EMG1: variants seen among roughly 807,000 people sequenced by gnomAD.
The protein encoded by EMG1 is ribosomal RNA small subunit methyltransferase NEP1.
EMG1 carries 24 observed loss-of-function variants against 26.9 expected under a neutral mutation model. The observed-to-expected ratio is 0.89, with a 90% CI of 0.65 to 1.26. EMG1 has a LOEUF of 1.26. EMG1 is among the 50% of genes most tolerant of loss of function. The pLI is 0.00. For synonymous variants in EMG1, 140 were observed against 112.6 expected (o/e 1.24, Z -1.54); for missense variants, 299 against 307.6 (o/e 0.97, Z 0.21).
At chr12:6,981,206 G>A (rs1555154024), downstream of EMG1, 1 of 1,577,068 alleles carries the variant, frequency 6.3e-7, no homozygotes, top group Non-Finnish European at 8.6e-7. Flanking sequence ...AGAATGCATG[G>A]TTCAGGATAG....
Position 6,971,069 on chromosome 12 carries a change from G to A in EMG1, c.146G>A (p.Gly49Glu). Residue 49 changes from glycine (G) to glutamate (E), a missense_variant, in exon 1 of 6, where the codon GGG becomes GAG. Gly to Glu is a moderately conservative substitution (Grantham distance 98). Coordinates refer to ENST00000599672, the MANE Select transcript of EMG1 (RefSeq NM_006331.8). ...GGRRLIVVLE[G>E]ASLETVKVGK... ...CGTAGGCTTATTGTGGTGCTGGAAG[G>A]GGCCAGTCTGGAGACAGTCAAGGTA... The A allele has an allele frequency of 6.2e-7, 1 of 1,611,360 alleles. No homozygotes were observed. Among genetic ancestry groups the A allele is most frequent in the African/African-American group, 1.3e-5 (1 of 74,964 alleles).
intron 7 of EMG1, among the ~76,000 whole-genome samples, chr12:6,996,309 A>G (rs150397240): frequency 1.0e-3 from 154 of 152,328 alleles, no homozygotes; most frequent in African/African-American, 3.5e-3. Flanking sequence ...AAATGTCACC[A>G]TAAGTATCAG....
Position 6,978,659 on chromosome 12 carries a change from T to C in EMG1, c.*2850T>C, listed in dbSNP as rs1555153647. 2 of 1,614,186 alleles carry C rather than the reference T, an allele frequency of 1.2e-6. No individual in the cohort carries two copies. Among genetic ancestry groups the C allele is most frequent in the Admixed American group, 1.7e-5 (1 of 60,018 alleles). On this transcript the variant is annotated 3_prime_UTR_variant, in exon 6 of 6. Coordinates refer to ENST00000599672, the MANE Select transcript of EMG1 (RefSeq NM_006331.8). ...AGCACAAACTTGCCCCAGATCAGCA[T>C]GTACATGCAGCGGAACCAGAAGGGG...
downstream of EMG1, chr12:6,980,945 A>G (rs1249798454): frequency 5.5e-6 from 8 of 1,460,604 alleles, no homozygotes; most frequent in Non-Finnish European, 7.4e-6. Context: ...CTTTCAGAAG[A>G]GTCACTTCAG....
chr12:6,974,836 T>C, intron 3 of EMG1, 143 bp downstream of exon 3: 1 of 981,534 alleles, frequency 1.0e-6, no homozygotes, highest in South Asian at 1.5e-5. Context: ...ACTGTTATTA[T>C]TTTTCTATGT....
intron 1 of EMG1, among the ~76,000 whole-genome samples, chr12:6,972,576 AATTAT>A (rs1946345937): frequency 6.6e-6 from 1 of 152,142 alleles, no homozygotes; most frequent in Admixed American, 6.5e-5. Flanking sequence ...TGCAACTTGG[AATTAT>A]TTCTTTTAGC....
At chr12:6,983,086 C>A, downstream of EMG1, 1 of 529,084 alleles carries the variant, frequency 1.9e-6, no homozygotes, top group Non-Finnish European at 3.5e-6. Flanking sequence ...GCTACCACAC[C>A]CAGCTTGTTA....
At chr12:6,994,363 A>G (rs1031058554) in intron 7 of EMG1, among the ~76,000 whole-genome samples, 4 of 151,784 alleles carry the variant, frequency 2.6e-5, no homozygotes, top group Admixed American at 6.6e-5. Flanking sequence ...GTGCACCACC[A>G]TGCCCAGCTA....
Position 6,977,075 on chromosome 12 carries a change from C to T in EMG1, c.*1266C>T. ...GATTTCTAATACTATTGTTTTTTTC[C>T]AGTCTGTTGCTCTATTCTGTAACCT... is the stretch of plus-strand genomic sequence containing the variant. On this transcript the variant is annotated 3_prime_UTR_variant, in exon 6 of 6. Transcript: ENST00000599672. This position sits in a 1 kb window ranked among gnomAD's most constrained non-coding sequence, Gnocchi z 4.5. 1 of 1,052,716 alleles carries T rather than the reference C, an allele frequency of 9.5e-7. No homozygotes were observed. Among genetic ancestry groups the T allele is most frequent in the Non-Finnish European group, 1.5e-6 (1 of 682,704 alleles). The allele number at this position is 1,052,716 out of a possible 1,614,324, so 65.2% of individuals were successfully genotyped here.
Position 6,977,581 on chromosome 12 carries a change from C to G in EMG1, c.*1772C>G. 6.2e-7 allele frequency: 1 copy of G among 1,614,182 alleles called. No homozygotes were observed. Among genetic ancestry groups the G allele is most frequent in the Non-Finnish European group, 8.5e-7 (1 of 1,180,036 alleles). ...TTGTCCCTTATATTCCCCTTCACCCCCACCCTGGAGGCCTACCTGTCTTTC... is the reference window on the plus strand; with the variant it reads ...TTGTCCCTTATATTCCCCTTCACCCGCACCCTGGAGGCCTACCTGTCTTTC... On this transcript the variant is annotated 3_prime_UTR_variant, in exon 6 of 6. Coordinates refer to ENST00000599672, the MANE Select transcript of EMG1 (RefSeq NM_006331.8). The surrounding 1 kb of genome is among the most constrained non-coding windows in gnomAD (Gnocchi z 4.5).
In EMG1 at chr12:6,978,734, G is replaced by A. The variant is rs1555153669; in HGVS notation, c.*2925G>A. The A allele has an allele frequency of 1.9e-6, 3 of 1,607,268 alleles. 1 individual carries two copies. Among genetic ancestry groups the A allele is most frequent in the South Asian group, 2.2e-5 (2 of 89,936 alleles). Reference sequence around the variant, plus strand: ...GTGCATTAGGGATATCACATGACTAGGCAGTTTCTCTCAGCACTCTTCCTT... The same window carrying A: ...GTGCATTAGGGATATCACATGACTAAGCAGTTTCTCTCAGCACTCTTCCTT... On this transcript the variant is annotated 3_prime_UTR_variant, in exon 6 of 6. Transcript: ENST00000599672.
intron 1 of EMG1, 91 bp downstream of exon 1, chr12:6,971,182 CAG>C (rs1355700640): frequency 8.3e-6 from 9 of 1,085,912 alleles, no homozygotes; most frequent in East Asian, 2.6e-5. Context: ...ATGTAGAAAG[CAG>C]AGAGGGGTGA....
At chr12:6,994,588 T>C (rs754775821) in intron 7 of EMG1, among the ~76,000 whole-genome samples, 4 of 152,142 alleles carry the variant, frequency 2.6e-5, no homozygotes, top group African/African-American at 4.8e-5. Flanking sequence ...CACCTGAGCC[T>C]CCCTAGCAGC....
Position 6,978,707 on chromosome 12 carries a change from C to T in EMG1, c.*2898C>T. ...GGGTGGTTCTTGAGGGAAGAAAGCA[C>T]AGTGCATTAGGGATATCACATGACT... On this transcript the variant is annotated 3_prime_UTR_variant, in exon 6 of 6. Coordinates refer to ENST00000599672, the MANE Select transcript of EMG1 (RefSeq NM_006331.8). 1 of 1,613,822 alleles carries T rather than the reference C, an allele frequency of 6.2e-7. No homozygotes were observed. The highest frequency in any genetic ancestry group is 8.5e-7 in the Non-Finnish European group (1 of 1,179,836).
rs985569389 is a variant in EMG1, at chr12:6,979,133, A to G, written c.*3324A>G. 2.1e-5 allele frequency: 7 copies of G among 336,356 alleles called. No homozygotes were observed. Among genetic ancestry groups the G allele is most frequent in the Non-Finnish European group, 3.3e-5 (6 of 182,598 alleles). 20.8% of individuals were successfully genotyped at this position (336,356 alleles called of 1,614,324 possible). On this transcript the variant is annotated 3_prime_UTR_variant, in exon 6 of 6. Transcript: ENST00000599672. ...TTCTGAATTCCCTAGAAGTGCCCAA[A>G]TGTATCAGTCAAGAGAAGAAAATAG...
At chr12:6,985,923 C>T (rs1309104956) in intron 6 of EMG1, among the ~76,000 whole-genome samples, 1 of 151,726 alleles carries the variant, frequency 6.6e-6, no homozygotes, top group Non-Finnish European at 1.5e-5. Context: ...TACAGGTGCC[C>T]GCCACCATGC....
At chr12:6,973,976 A>G (rs782360143) in intron 1 of EMG1, among the ~76,000 whole-genome samples, 10 of 152,380 alleles carry the variant, frequency 6.6e-5, no homozygotes, top group African/African-American at 2.4e-4. Context: ...CAGCCTTGCT[A>G]ACTACTAACT....
At position 6,976,932 on chromosome 12, in the gene EMG1, C is replaced by T. The variant is rs1946410354; in HGVS notation, c.*1123C>T. On this transcript the variant is annotated 3_prime_UTR_variant, in exon 6 of 6. Coordinates refer to ENST00000599672, the MANE Select transcript of EMG1 (RefSeq NM_006331.8). ...AGTTTGGAAGGCTGGTTAGTTACTCCTGTAATTCCTGGTCTATAGCCCTTC... is the reference window on the plus strand; with the variant it reads ...AGTTTGGAAGGCTGGTTAGTTACTCTTGTAATTCCTGGTCTATAGCCCTTC... 2 of 528,784 alleles carry T rather than the reference C, an allele frequency of 3.8e-6. No homozygotes were observed. The highest frequency in any genetic ancestry group is 6.3e-5 in the Admixed American group (2 of 31,684). The allele number at this position is 528,784 out of a possible 1,614,324, so 32.8% of individuals were successfully genotyped here. A position where few individuals can be genotyped will look rare whatever the true frequency, so the allele number is the denominator to read the frequency against.
downstream of EMG1, among the ~76,000 whole-genome samples, chr12:6,992,496 C>A (rs1555155611): frequency 6.6e-6 from 1 of 152,178 alleles, no homozygotes; most frequent in African/African-American, 2.4e-5. Context: ...CATTTTGCAA[C>A]ATCAGTGCAA....
Sources: gnomAD v4.1 joint callset for allele counts (sites outside exome capture counted in the v4.1 genomes callset) on GRCh38, gnomAD v4.1.1 for gene constraint, Gnocchi (gnomAD v3.1) non-coding constraint, MANE v1.5 for transcripts, NCBI Gene and HGNC (gene_info 2026-07-23, HGNC 2026-07-21) for gene names.